The following SLC24A3 variants were observed in gnomAD, a reference collection of about 807,000 sequenced individuals.
SLC24A3 encodes the protein sodium/potassium/calcium exchanger 3.
In SLC24A3, 28 loss-of-function variants were observed where a neutral mutation model predicts 75.8. The ratio of observed to expected loss-of-function variants is 0.37; its 90% CI spans 0.27 to 0.51. The LOEUF (loss-of-function observed/expected upper bound fraction) is 0.51. Among genes scored for constraint, SLC24A3 ranks in the 20% least tolerant of loss-of-function variants. The probability of loss-of-function intolerance (pLI) is 0.94; values close to 1 mark genes in which losing one functional copy is unlikely to be tolerated. For missense variants in SLC24A3, 663 were observed against 847.8 expected (o/e 0.78, Z 2.71); for synonymous variants, 372 against 334.1 (o/e 1.11, Z -1.24).
chr20:19,323,123 G>A (rs574014744), intron 2 of SLC24A3, among the ~76,000 whole-genome samples: 2 of 148,644 alleles, frequency 1.3e-5, no homozygotes, highest in South Asian at 2.1e-4. Context: ...GGAGAATGGC[G>A]TGAACCCGGG....
intron 2 of SLC24A3, among the ~76,000 whole-genome samples, chr20:19,367,162 A>G (rs1985906822): frequency 6.6e-6 from 1 of 152,262 alleles, no homozygotes; most frequent in Admixed American, 6.5e-5. Context: ...TTAAATGGCC[A>G]CATGTAGCTA....
chr20:19,249,843 T>C (rs2085718917), intron 1 of SLC24A3, among the ~76,000 whole-genome samples: 1 of 152,252 alleles, frequency 6.6e-6, no homozygotes, highest in Admixed American at 6.5e-5. Flanking sequence ...TTACAGTTAA[T>C]ATACCGTGCT....
intron 2 of SLC24A3, among the ~76,000 whole-genome samples, chr20:19,322,959 C>A (rs1366077805): frequency 1.3e-5 from 2 of 152,074 alleles, no homozygotes; most frequent in African/African-American, 4.8e-5. Context: ...GTAATTCCAG[C>A]ACTTTGGGAG....
At chr20:19,587,676 C>T (rs1232344911) in intron 6 of SLC24A3, among the ~76,000 whole-genome samples, 5 of 152,138 alleles carry the variant, frequency 3.3e-5, no homozygotes, top group Admixed American at 1.3e-4. Flanking sequence ...GGGAATCAGA[C>T]GGGTCTGGGT....
At chr20:19,661,775 C>T (rs574630318) in intron 7 of SLC24A3, among the ~76,000 whole-genome samples, 6 of 152,262 alleles carry the variant, frequency 3.9e-5, no homozygotes, top group Middle Eastern at 3.4e-3. Flanking sequence ...ACCTGCCTCC[C>T]AGCTCAGCCA....
chr20:19,381,463 G>A (rs554252520), intron 2 of SLC24A3, among the ~76,000 whole-genome samples: 1 of 152,272 alleles, frequency 6.6e-6, no homozygotes, highest in South Asian at 2.1e-4. Flanking sequence ...CTGAATAGAG[G>A]GATTGAACTA....
intron 6 of SLC24A3, among the ~76,000 whole-genome samples, chr20:19,615,305 C>T (rs2031723276): frequency 6.6e-6 from 1 of 152,172 alleles, no homozygotes; most frequent in Admixed American, 6.5e-5. Flanking sequence ...ATTTTTTAAT[C>T]AATACCTATG....
At chr20:19,438,814 G>T (rs983958912) in intron 2 of SLC24A3, among the ~76,000 whole-genome samples, 1 of 152,208 alleles carries the variant, frequency 6.6e-6, no homozygotes, top group African/African-American at 2.4e-5. Flanking sequence ...CACAGGGTAG[G>T]TAGTGTAGAT....
intron 2 of SLC24A3, among the ~76,000 whole-genome samples, chr20:19,402,019 CTTG>C (rs1986560277): frequency 2.6e-5 from 4 of 152,188 alleles, no homozygotes; most frequent in Non-Finnish European, 5.9e-5. Context: ...AAATCCTTGT[CTTG>C]TTGTCTGCTT....
chr20:19,346,030 C>T (rs1985388222), intron 2 of SLC24A3, among the ~76,000 whole-genome samples: 1 of 132,262 alleles, frequency 7.6e-6, no homozygotes, highest in African/African-American at 2.7e-5. Flanking sequence ...ATGCACCCAG[C>T]CCAAATGCCC....
intron 2 of SLC24A3, among the ~76,000 whole-genome samples, chr20:19,344,856 T>A (rs941494921): frequency 1.3e-5 from 2 of 152,136 alleles, no homozygotes; most frequent in Non-Finnish European, 2.9e-5. Flanking sequence ...CTACTCCACG[T>A]CACATGGAGG....
At chr20:19,537,073 A>G (rs150364870) in intron 3 of SLC24A3, among the ~76,000 whole-genome samples, 15,127 of 151,346 alleles carry the variant, frequency 0.1, 829 homozygotes, top group South Asian at 0.11. Flanking sequence ...AGAAACTGCC[A>G]TCAGAGTGAA....
chr20:19,220,138 G>A (rs538566648), intron 1 of SLC24A3, among the ~76,000 whole-genome samples: 1 of 152,180 alleles, frequency 6.6e-6, no homozygotes, highest in Non-Finnish European at 1.5e-5. Flanking sequence ...AGGAAACAAG[G>A]AAAGACCTGT....
At chr20:19,619,692 T>G (rs555531798) in intron 6 of SLC24A3, among the ~76,000 whole-genome samples, 11 of 152,326 alleles carry the variant, frequency 7.2e-5, no homozygotes, top group Admixed American at 7.2e-4. Flanking sequence ...CTTTGGTGCA[T>G]TGGGTTGTAG....
At chr20:19,459,484 C>T (rs1313666683) in intron 2 of SLC24A3, among the ~76,000 whole-genome samples, 1 of 152,170 alleles carries the variant, frequency 6.6e-6, no homozygotes. Context: ...ATGTGCCTGA[C>T]ACATTTTGCT....
At chr20:19,566,484 ACTGCCTCCACC>A (rs2030959553) in intron 3 of SLC24A3, among the ~76,000 whole-genome samples, 1 of 152,182 alleles carries the variant, frequency 6.6e-6, no homozygotes, top group South Asian at 2.1e-4. Context: ...CTCATTGCTC[ACTGCCTCCACC>A]CTGTGCCTGT....
intron 12 of SLC24A3, among the ~76,000 whole-genome samples, chr20:19,693,048 T>C (rs1295888714): frequency 6.6e-6 from 1 of 151,962 alleles, no homozygotes; most frequent in African/African-American, 2.4e-5. Context: ...AGGTGGGCAG[T>C]GGGTAATTTT....
At chr20:19,653,993 C>G (rs1346754085) in intron 6 of SLC24A3, 69 bp from the exon 7 acceptor site, 1 of 1,372,648 alleles carries the variant, frequency 7.3e-7, no homozygotes, top group Non-Finnish European at 1.0e-6. Flanking sequence ...CTGGCTAAAC[C>G]TGCAAGAGTC....
chr20:19,469,893 A>G (rs889346115), intron 2 of SLC24A3, among the ~76,000 whole-genome samples: 2 of 152,190 alleles, frequency 1.3e-5, no homozygotes, highest in Admixed American at 6.5e-5. Flanking sequence ...TCGACTCTTC[A>G]AACCTAAAAT....
Sources: allele counts gnomAD v4.1 joint callset (sites outside exome capture counted in the v4.1 genomes callset), GRCh38; gene constraint gnomAD v4.1.1; transcripts MANE v1.5; gene names NCBI Gene and HGNC (gene_info 2026-07-23, HGNC 2026-07-21).